Variants in HMMR observed in about 807,000 individuals in gnomAD.
HMMR encodes intracellular hyaluronic acid-binding protein.
Under a neutral mutation model 101.0 loss-of-function variants are expected in HMMR, and 108 were observed. The ratio of observed to expected loss-of-function variants is 1.07; its 90% CI spans 0.92 to 1.25. The LOEUF (loss-of-function observed/expected upper bound fraction) is 1.25, where lower values mean the gene tolerates loss of function less well. Among genes scored for constraint, HMMR ranks in the 50% most tolerant of loss-of-function variants. HMMR has a pLI of 0.00. For missense variants in HMMR, 813 were observed against 788.7 expected (o/e 1.03, Z -0.37); for synonymous variants, 296 against 276.4 (o/e 1.07, Z -0.70).
At chr5:163,464,899 A>C in intron 3 of HMMR, 97 bp downstream of exon 3, 1 of 724,470 alleles carries the variant, frequency 1.4e-6, no homozygotes, top group Non-Finnish European at 2.4e-6. Context: ...TGTATGAATC[A>C]AGGTTATAAG....
chr5:163,474,848 G>A (rs1759016769), intron 10 of HMMR, among the ~76,000 whole-genome samples: 1 of 151,998 alleles, frequency 6.6e-6, no homozygotes, highest in South Asian at 2.1e-4. Flanking sequence ...AAGGAATTGA[G>A]TAGATCTATA....
intron 17 of HMMR, among the ~76,000 whole-genome samples, chr5:163,490,798 A>G (rs1759667823): frequency 6.6e-6 from 1 of 152,064 alleles, no homozygotes; most frequent in African/African-American, 2.4e-5. Context: ...TTGCATGACT[A>G]TTTTGTCCCT....
At position 163,490,515 on chromosome 5, in the gene HMMR, TAAAGA is replaced by T. The variant is rs766937077; in HGVS notation, c.2092_2096del (p.Glu698PhefsTer30). On this transcript the variant is annotated frameshift_variant, in exon 17 of 18. Transcript: ENST00000393915. LOFTEE classifies it high-confidence loss of function. ...CTTCAAAGGCTTTTCATCATGAAAGTAAAGAAAATTTTGCCCTGAAGACCCCATTA... is the reference window on the plus strand; with the variant it reads ...CTTCAAAGGCTTTTCATCATGAAAGTAAATTTTGCCCTGAAGACCCCATTA... The T allele has an allele frequency of 2.5e-6, 4 of 1,603,228 alleles. No homozygotes were observed. Among genetic ancestry groups the T allele is most frequent in the Non-Finnish European group, 3.4e-6 (4 of 1,176,904 alleles).
chr5:163,469,575 T>C (rs1758807600), intron 4 of HMMR, 66 bp from the exon 5 acceptor site: 28 of 1,313,696 alleles, frequency 2.1e-5, no homozygotes, highest in Non-Finnish European at 3.0e-5. Flanking sequence ...GGGTGATTAT[T>C]GGTAGCATCT....
intron 14 of HMMR, 29 bp from the exon 15 acceptor site, chr5:163,483,239 G>C: frequency 6.3e-7 from 1 of 1,595,168 alleles, no homozygotes; most frequent in Non-Finnish European, 8.6e-7. Context: ...AAATAACTAT[G>C]TTTTTCTCAA....
At chr5:163,485,659 T>C (rs1372778426) in intron 16 of HMMR, among the ~76,000 whole-genome samples, 1 of 152,216 alleles carries the variant, frequency 6.6e-6, no homozygotes, top group East Asian at 1.9e-4. Flanking sequence ...CCAAAAAACT[T>C]TTATGACGTC....
At chr5:163,471,111 A>G (rs543345551) in intron 5 of HMMR, 74 bp from the exon 6 acceptor site, 8 of 927,634 alleles carry the variant, frequency 8.6e-6, no homozygotes, top group Non-Finnish European at 1.3e-5. Context: ...AGGTAGAAAA[A>G]TCAATATTTG....
At position 163,482,740 on chromosome 5, in the gene HMMR, T is replaced by C. The variant is rs1759316297; in HGVS notation, c.1484T>C (p.Val495Ala). Residue 495 changes from valine to alanine, a missense_variant, in exon 13 of 18, where the codon GTT becomes GCT. By Grantham distance (64) the Val-to-Ala change is moderately conservative. Coordinates refer to ENST00000393915, the MANE Select transcript of HMMR (RefSeq NM_001142556.2). The part of the protein sequence containing the change: ...AAKAGKNAED[V>A]QHQILATESS... ...AAGGCTGGGAAAAATGCAGAGGATG[T>C]TCAGCATCAGATTTTGGCAACTGAG... 2 of 1,613,766 alleles carry C rather than the reference T, an allele frequency of 1.2e-6. No homozygotes were observed.
intron 3 of HMMR, chr5:163,465,030 A>G (rs1214293911): frequency 4.2e-6 from 2 of 475,972 alleles, no homozygotes; most frequent in Non-Finnish European, 7.4e-6. Flanking sequence ...TCAATTCTCA[A>G]TCACTTCTAT....
intron 7 of HMMR, among the ~76,000 whole-genome samples, chr5:163,472,649 C>A (rs2113476586): frequency 6.6e-6 from 1 of 152,254 alleles, no homozygotes; most frequent in East Asian, 1.9e-4. Context: ...GAAGTGGTAT[C>A]TCCTTTGTGA....
intron 2 of HMMR, 101 bp from the exon 3 acceptor site, chr5:163,464,618 AAAAC>A (rs1394714627): frequency 3.2e-5 from 25 of 789,730 alleles, no homozygotes; most frequent in Middle Eastern, 3.6e-4. Context: ...TCAAAAAACA[AAAAC>A]AAACAAAAAG....
At chr5:163,471,487 A>G (rs769253169) in intron 7 of HMMR, 24 bp downstream of exon 7, 73 of 1,485,672 alleles carry the variant, frequency 4.9e-5, no homozygotes, top group Non-Finnish European at 5.8e-5. Context: ...TGTGAAGAGA[A>G]ATTGTTAAGT....
chr5:163,472,621 A>T (rs1758934212), intron 7 of HMMR, among the ~76,000 whole-genome samples: 1 of 152,186 alleles, frequency 6.6e-6, no homozygotes, highest in East Asian at 1.9e-4. Context: ...GTTTGATTTT[A>T]GCCTTTCTAC....
chr5:163,481,342 G>A (rs1347782368), intron 12 of HMMR, among the ~76,000 whole-genome samples: 2 of 151,502 alleles, frequency 1.3e-5, no homozygotes, highest in Non-Finnish European at 2.9e-5. Flanking sequence ...TATCAATCCT[G>A]TAAAGGAATT....
At chr5:163,481,398 C>G (rs1191454743) in intron 12 of HMMR, among the ~76,000 whole-genome samples, 2 of 151,890 alleles carry the variant, frequency 1.3e-5, no homozygotes, top group Admixed American at 6.6e-5. Context: ...GGGTTTTTAT[C>G]TATTCTGTGA....
intron 11 of HMMR, among the ~76,000 whole-genome samples, chr5:163,477,790 G>A (rs1759118081): frequency 6.6e-6 from 1 of 152,096 alleles, no homozygotes; most frequent in Non-Finnish European, 1.5e-5. Context: ...ATCCCTTCTA[G>A]CCTGGAAATT....
chr5:163,463,985 T>A (rs1758622019), intron 2 of HMMR, 31 bp downstream of exon 2: 1 of 711,600 alleles, frequency 1.4e-6, no homozygotes, highest in Non-Finnish European at 2.2e-6. Flanking sequence ...ACAATGGTTA[T>A]GTGATCTTAT....
intron 16 of HMMR, among the ~76,000 whole-genome samples, chr5:163,489,648 G>A (rs777065947): frequency 4.6e-5 from 7 of 152,088 alleles, no homozygotes; most frequent in Non-Finnish European, 8.8e-5. Context: ...AAGAGTCATC[G>A]GGGCCCAGCA....
rs762290867 is a variant in HMMR at position 163,474,063 on chromosome 5, A to G, written c.911A>G (p.His304Arg). The change falls in exon 10 of 18, where the codon CAT becomes CGT. Residue 304 changes from histidine (H) to arginine (R), a missense_variant. Transcript: ENST00000393915. ...GATGTTTTGCGTTTTCTAGAAGACC[A>G]TGTCAACAGGAATAGAGAACACAAC... The part of the protein sequence containing the change: ...CQLLEKEKED[H>R]VNRNREHNEN... The G allele has an allele frequency of 2.5e-5, 40 of 1,607,634 alleles. No homozygotes were observed. The East Asian group carries it at 4.7e-4, about 19-fold the overall frequency.
Sources: gnomAD v4.1 joint callset for allele counts (sites outside exome capture counted in the v4.1 genomes callset) on GRCh38, gnomAD v4.1.1 for gene constraint, MANE v1.5 for transcripts, NCBI Gene and HGNC (gene_info 2026-07-23, HGNC 2026-07-21) for gene names.